VAT1L: variants seen among roughly 807,000 people sequenced by gnomAD.
The protein encoded by VAT1L is putative NADPH-dependent quinone oxidoreductase VAT1L.
VAT1L carries 34 observed loss-of-function variants against 44.1 expected under a neutral mutation model. That is an observed-to-expected ratio of 0.77 (90% CI 0.59 to 1.03). The LOEUF is 1.03. Among genes scored for constraint, VAT1L ranks in the 50% least tolerant of loss-of-function variants. The probability of loss-of-function intolerance (pLI) is 0.00; values close to 1 mark genes in which losing one functional copy is unlikely to be tolerated. For synonymous variants in VAT1L, 253 were observed against 202.2 expected, an observed-to-expected ratio of 1.25 and a Z score of -2.13; for missense variants, 615 against 538.8, an observed-to-expected ratio of 1.14 and a Z score of -1.40.
intron 1 of VAT1L, among the ~76,000 whole-genome samples, chr16:77,806,777 C>G (rs141448089): frequency 3.3e-5 from 5 of 152,144 alleles, no homozygotes; most frequent in African/African-American, 9.6e-5. Flanking sequence ...TTTAACATAT[C>G]TTAGGAAACA....
At chr16:77,844,615 G>A (rs929480139) in intron 3 of VAT1L, among the ~76,000 whole-genome samples, 1 of 151,896 alleles carries the variant, frequency 6.6e-6, no homozygotes, top group Non-Finnish European at 1.5e-5. Context: ...CCCCATGTTG[G>A]CCGAGCTGGT....
intron 7 of VAT1L, among the ~76,000 whole-genome samples, chr16:77,939,343 G>A (rs1014673248): frequency 2.0e-5 from 3 of 152,204 alleles, no homozygotes; most frequent in Non-Finnish European, 2.9e-5. Flanking sequence ...TTTCCAGCTA[G>A]GCATCAGTGG....
chr16:77,799,760 A>G (rs1388144150), intron 1 of VAT1L, among the ~76,000 whole-genome samples: 1 of 152,092 alleles, frequency 6.6e-6, no homozygotes, highest in Non-Finnish European at 1.5e-5. Context: ...CTGTGATTGT[A>G]CCTTTCTTAC....
At chr16:77,847,243 C>A (rs1010910994) in intron 3 of VAT1L, among the ~76,000 whole-genome samples, 1 of 151,282 alleles carries the variant, frequency 6.6e-6, no homozygotes. Context: ...AGCTCTTAAA[C>A]TATGACTGAT....
intron 7 of VAT1L, among the ~76,000 whole-genome samples, chr16:77,912,594 T>G (rs979006574): frequency 6.6e-6 from 1 of 152,178 alleles, no homozygotes; most frequent in East Asian, 1.9e-4. Flanking sequence ...AATGAAATTT[T>G]AAAAATTAAA....
At chr16:77,941,874 C>T (rs1038753029) in intron 7 of VAT1L, among the ~76,000 whole-genome samples, 1 of 152,154 alleles carries the variant, frequency 6.6e-6, no homozygotes, top group Non-Finnish European at 1.5e-5. Context: ...CAGACACAAA[C>T]CACCACACCC....
intron 3 of VAT1L, among the ~76,000 whole-genome samples, chr16:77,846,107 A>G (rs1367030908): frequency 6.6e-6 from 1 of 152,214 alleles, no homozygotes; most frequent in Non-Finnish European, 1.5e-5. Context: ...TAAATGGATG[A>G]ACTTTGCCTA....
At chr16:77,794,293 A>G (rs1356461962) in intron 1 of VAT1L, among the ~76,000 whole-genome samples, 1 of 152,146 alleles carries the variant, frequency 6.6e-6, no homozygotes, top group African/African-American at 2.4e-5. Flanking sequence ...CCTGCCTCCC[A>G]CCCCAAAACG....
At chr16:77,968,097 T>C (rs1164860837) in intron 7 of VAT1L, among the ~76,000 whole-genome samples, 1 of 152,198 alleles carries the variant, frequency 6.6e-6, no homozygotes, top group Non-Finnish European at 1.5e-5. Context: ...TATCTATTAT[T>C]GCATTTAACT....
At chr16:77,843,369 A>G (rs1192935372) in intron 3 of VAT1L, among the ~76,000 whole-genome samples, 4 of 152,148 alleles carry the variant, frequency 2.6e-5, no homozygotes, top group Admixed American at 2.0e-4. Flanking sequence ...AGGTGGGCAC[A>G]TTACTCCCAG....
At chr16:77,970,063 A>AAT (rs980182027) in intron 7 of VAT1L, among the ~76,000 whole-genome samples, 1 of 150,982 alleles carries the variant, frequency 6.6e-6, no homozygotes, top group Non-Finnish European at 1.5e-5. Context: ...AAAAAAAAAA[A>AAT]AAAAAAAAAA....
chr16:77,955,324 C>CAG (rs1436340482), intron 7 of VAT1L, among the ~76,000 whole-genome samples: 1 of 152,180 alleles, frequency 6.6e-6, no homozygotes, highest in African/African-American at 2.4e-5. Flanking sequence ...ATCTAGTGAG[C>CAG]AGAGGCCAAG....
At chr16:77,790,539 T>A (rs1030686617) in intron 1 of VAT1L, among the ~76,000 whole-genome samples, 4 of 152,184 alleles carry the variant, frequency 2.6e-5, no homozygotes, top group African/African-American at 7.2e-5. Context: ...GAAGAGCTTT[T>A]GCTTAGTACA....
intron 2 of VAT1L, among the ~76,000 whole-genome samples, chr16:77,822,042 C>T (rs1251119753): frequency 6.6e-6 from 1 of 152,226 alleles, no homozygotes; most frequent in Non-Finnish European, 1.5e-5. Context: ...ACTGAACAGG[C>T]ACAGGGGCTG....
At position 77,916,142 on chromosome 16, in the gene VAT1L, G is replaced by A. The variant is rs557552433; in HGVS notation, c.1077+31340G>A. On this transcript the variant is annotated intron_variant, in intron 7 of 8. Coordinates refer to ENST00000302536, the MANE Select transcript of VAT1L (RefSeq NM_020927.3). ...AAGAAATGGGGGTAGTAGCACGGTA[G>A]GGTCTGTACGAAAGGGGGCCAAGGG... Among the ~76,000 whole-genome samples the A allele has an allele frequency of 7.2e-5, 11 of 152,306 alleles. No homozygotes were observed. In the South Asian group the frequency reaches 2.3e-3, roughly 32 times the overall value.
intron 7 of VAT1L, among the ~76,000 whole-genome samples, chr16:77,938,061 A>G (rs2017825796): frequency 6.6e-6 from 1 of 152,202 alleles, no homozygotes; most frequent in African/African-American, 2.4e-5. Context: ...TGTTGCTGAT[A>G]CCTCCTGACT....
At chr16:77,807,871 A>G (rs2016192083) in intron 1 of VAT1L, among the ~76,000 whole-genome samples, 1 of 152,180 alleles carries the variant, frequency 6.6e-6, no homozygotes, top group African/African-American at 2.4e-5. Flanking sequence ...CTAAAGCTAA[A>G]GATCTAAACT....
intron 7 of VAT1L, among the ~76,000 whole-genome samples, chr16:77,955,255 G>A (rs1355792669): frequency 6.6e-6 from 1 of 152,156 alleles, no homozygotes; most frequent in Non-Finnish European, 1.5e-5. Flanking sequence ...CCTCCCTAAG[G>A]GACATTTGGC....
intron 3 of VAT1L, among the ~76,000 whole-genome samples, chr16:77,826,072 T>G (rs999477613): frequency 3.6e-5 from 5 of 139,552 alleles, no homozygotes; most frequent in South Asian, 2.2e-4. Flanking sequence ...CCGGGCGTAG[T>G]GGCGGGCGCC....
Sources: allele counts gnomAD v4.1 joint callset (sites outside exome capture counted in the v4.1 genomes callset), GRCh38; gene constraint gnomAD v4.1.1; transcripts MANE v1.5; gene names NCBI Gene and HGNC (gene_info 2026-07-23, HGNC 2026-07-21).